The following PLPP4 variants were observed in gnomAD, a reference collection of about 807,000 sequenced individuals.
The protein encoded by PLPP4 is phospholipid phosphatase 4, also known as diacylglycerol pyrophosphate like 2.
A neutral mutation model predicts 32.2 loss-of-function variants in PLPP4; 20 were observed. That is an observed-to-expected ratio of 0.62 (90% CI 0.44 to 0.90). The LOEUF (loss-of-function observed/expected upper bound fraction) is 0.90. PLPP4 is among the 40% of genes least tolerant of loss of function. PLPP4 has a pLI of 0.00. For synonymous variants in PLPP4, 127 were observed against 133.0 expected, an observed-to-expected ratio of 0.95 and a Z score of 0.31; for missense variants, 257 against 353.1, an observed-to-expected ratio of 0.73 and a Z score of 2.18.
chr10:120,523,479 T>A (rs769161231), intron 5 of PLPP4, among the ~76,000 whole-genome samples: 1 of 152,150 alleles, frequency 6.6e-6, no homozygotes, highest in Non-Finnish European at 1.5e-5. Context: ...GAGGAATTCC[T>A]TCTGTATTGA....
chr10:120,528,197 C>T (rs1846512958), intron 5 of PLPP4, among the ~76,000 whole-genome samples: 1 of 151,426 alleles, frequency 6.6e-6, no homozygotes, highest in Non-Finnish European at 1.5e-5. Flanking sequence ...GCCTCCGCCT[C>T]CCAAGTAGCT....
intron 1 of PLPP4, among the ~76,000 whole-genome samples, chr10:120,490,219 C>T (rs758734903): frequency 1.2e-4 from 18 of 152,208 alleles, no homozygotes; most frequent in Non-Finnish European, 2.4e-4. Context: ...GACAGAGACC[C>T]CACCTTGGGG....
At chr10:120,572,899 A>G (rs2134046297) in intron 5 of PLPP4, among the ~76,000 whole-genome samples, 1 of 152,324 alleles carries the variant, frequency 6.6e-6, no homozygotes, top group South Asian at 2.1e-4. Context: ...CCACCACAGT[A>G]TCTAGAGCAG....
intron 5 of PLPP4, among the ~76,000 whole-genome samples, chr10:120,559,382 A>G (rs1413367160): frequency 1.3e-5 from 2 of 151,914 alleles, no homozygotes; most frequent in South Asian, 2.1e-4. Context: ...GGATTTATTA[A>G]TTCTTTTATT....
intron 5 of PLPP4, among the ~76,000 whole-genome samples, chr10:120,560,707 A>G (rs1362302043): frequency 1.3e-5 from 2 of 152,182 alleles, no homozygotes; most frequent in Non-Finnish European, 2.9e-5. Flanking sequence ...GTGAGCTGAG[A>G]TTGCACCACT....
At position 120,481,695 on chromosome 10, in the gene PLPP4, A is replaced by G. The variant is rs1255642268; in HGVS notation, c.57-22123A>G. Among the ~76,000 whole-genome samples the G allele has an allele frequency of 2.0e-5, 3 of 152,274 alleles. No individual in the cohort carries two copies. The East Asian group carries it at 5.8e-4, about 29-fold the overall frequency. The stretch of plus-strand genomic sequence containing the variant: ...CCATGATCAAAGTTTTATGGCCAGT[A>G]AGGAGCTGATAACTGAAGCTTGATC... On this transcript the variant is annotated intron_variant, in intron 1 of 6. Coordinates refer to ENST00000398250, the MANE Select transcript of PLPP4 (RefSeq NM_001030059.3).
intron 1 of PLPP4, among the ~76,000 whole-genome samples, chr10:120,491,379 C>T (rs1844715065): frequency 6.6e-6 from 1 of 152,212 alleles, no homozygotes; most frequent in African/African-American, 2.4e-5. Context: ...CTCAGTGCCC[C>T]AGGCTCCAGG....
intron 1 of PLPP4, among the ~76,000 whole-genome samples, chr10:120,479,083 G>T (rs535127262): frequency 6.6e-6 from 1 of 152,078 alleles, no homozygotes; most frequent in Non-Finnish European, 1.5e-5. Flanking sequence ...AAAATTAGCC[G>T]GGCATGGTGG....
At chr10:120,458,891 T>C (rs761166821) in intron 1 of PLPP4, among the ~76,000 whole-genome samples, 8 of 152,200 alleles carry the variant, frequency 5.3e-5, no homozygotes, top group Non-Finnish European at 1.2e-4. Flanking sequence ...CAGTGCACAG[T>C]AGAATTTAAC....
intron 5 of PLPP4, among the ~76,000 whole-genome samples, chr10:120,554,163 C>A (rs932166386): frequency 2.0e-5 from 3 of 152,082 alleles, no homozygotes; most frequent in African/African-American, 7.2e-5. Flanking sequence ...GCCAGGTTAC[C>A]CCTTGAATGT....
intron 5 of PLPP4, among the ~76,000 whole-genome samples, chr10:120,550,663 G>C (rs1847853602): frequency 6.6e-6 from 1 of 151,886 alleles, no homozygotes; most frequent in Admixed American, 6.6e-5. Flanking sequence ...CAAATGGAAA[G>C]ATTAAAATCA....
In PLPP4 at chr10:120,503,875, C is replaced by G. The variant is rs373849615; in HGVS notation, c.114C>G (p.Leu38=). The G allele has an allele frequency of 2.2e-5, 35 of 1,613,898 alleles. No homozygotes were observed. Among genetic ancestry groups the G allele is most frequent in the Non-Finnish European group, 2.9e-5 (34 of 1,179,876 alleles). ...QRVIQPEEIW[L]YKNPLVQSDN... ...TCATCCAGCCAGAAGAGATCTGGCT[C>G]TATAAAAATCCTTTGGTGCAATCAG... The change falls in exon 2 of 7, where the codon CTC becomes CTG. Residue 38 remains leucine (L), a synonymous_variant. Transcript: ENST00000398250.
intron 5 of PLPP4, among the ~76,000 whole-genome samples, chr10:120,543,791 G>A (rs1847475514): frequency 6.6e-6 from 1 of 152,040 alleles, no homozygotes. Flanking sequence ...CCAAGCCCCT[G>A]GCAACCACCA....
chr10:120,540,747 T>C (rs1270466175), intron 5 of PLPP4, among the ~76,000 whole-genome samples: 1 of 152,188 alleles, frequency 6.6e-6, no homozygotes, highest in Non-Finnish European at 1.5e-5. Flanking sequence ...TGCACTAGTA[T>C]GAAAACTATA....
At chr10:120,516,528 C>A (rs1170183417) in intron 3 of PLPP4, among the ~76,000 whole-genome samples, 44 of 152,122 alleles carry the variant, frequency 2.9e-4, no homozygotes, top group Admixed American at 2.9e-3. Flanking sequence ...AAAGTAACAA[C>A]AAAAGCCCTC....
intron 5 of PLPP4, among the ~76,000 whole-genome samples, chr10:120,564,342 T>C (rs1848590174): frequency 6.6e-6 from 1 of 152,004 alleles, no homozygotes; most frequent in Admixed American, 6.5e-5. Context: ...TCTATACAGA[T>C]AACCAGTCCT....
intron 5 of PLPP4, among the ~76,000 whole-genome samples, chr10:120,558,227 A>G (rs1211341383): frequency 6.6e-6 from 1 of 151,812 alleles, no homozygotes; most frequent in African/African-American, 2.4e-5. Flanking sequence ...ACATGTGCAC[A>G]CATACACATG....
At chr10:120,581,737 CAA>C (rs61490114) in intron 6 of PLPP4, among the ~76,000 whole-genome samples, 10,971 of 152,176 alleles carry the variant, frequency 0.072, 667 homozygotes, top group African/African-American at 0.17. Context: ...AAACTGGGCT[CAA>C]GTGTCACCTT....
At chr10:120,518,975 A>G in intron 4 of PLPP4, 79 bp downstream of exon 4, 1 of 1,120,098 alleles carries the variant, frequency 8.9e-7, no homozygotes. Flanking sequence ...AGGACACTGG[A>G]TGGGACAGAT....
Sources: allele counts gnomAD v4.1 joint callset (sites outside exome capture counted in the v4.1 genomes callset), GRCh38; gene constraint gnomAD v4.1.1; transcripts MANE v1.5; gene names NCBI Gene and HGNC (gene_info 2026-07-23, HGNC 2026-07-21).